Variants in VAPA observed in about 807,000 individuals in gnomAD.
VAPA encodes VAMP associated protein A, also known as vesicle-associated membrane protein-associated protein A.
A neutral mutation model predicts 25.6 loss-of-function variants in VAPA; 6 were observed. The ratio of observed to expected loss-of-function variants is 0.23; its 90% CI spans 0.13 to 0.46. The LOEUF is 0.46. Ranked by LOEUF, VAPA falls within the 20% of genes least tolerant of loss-of-function variation. VAPA has a pLI of 0.99. For missense variants in VAPA, 244 were observed against 302.1 expected (o/e 0.81, Z 1.43); for synonymous variants, 112 against 106.2 (o/e 1.05, Z -0.34).
chr18:9,928,560 G>C (rs1052406637), intron 1 of VAPA, among the ~76,000 whole-genome samples: 3 of 152,012 alleles, frequency 2.0e-5, no homozygotes, highest in Admixed American at 2.0e-4. Context: ...CAGATTATTG[G>C]TTTAATTCAG....
rs1343372511 is a variant in VAPA at position 9,958,576 on chromosome 18, G to GT, written c.*4366dup. The GT allele has an allele frequency of 6.6e-6, 1 of 151,898 alleles. No homozygotes were observed. Among genetic ancestry groups the GT allele is most frequent in the Non-Finnish European group, 1.5e-5 (1 of 67,954 alleles). The allele number at this position is 151,898 out of a possible 1,614,324, so 9.4% of individuals were successfully genotyped here. ...GAGATACTGACCTAATTGGTCTGGG[G>GT]TGGAGATCTGGCATGGTAGTTTTTT... On this transcript the variant is annotated 3_prime_UTR_variant, in exon 6 of 6. Coordinates refer to ENST00000400000, the MANE Select transcript of VAPA (RefSeq NM_194434.3).
intron 1 of VAPA, 56 bp downstream of exon 1, chr18:9,914,391 C>G: frequency 2.0e-6 from 3 of 1,479,696 alleles, no homozygotes; most frequent in East Asian, 2.9e-5. Context: ...CGCTGGCTGT[C>G]GGCGGGGGGG....
At chr18:9,952,400 CTATTAAAAA>C in intron 5 of VAPA, among the ~76,000 whole-genome samples, 1 of 152,118 alleles carries the variant, frequency 6.6e-6, no homozygotes, top group East Asian at 1.9e-4. Flanking sequence ...AACCCCGTCT[CTATTAAAAA>C]TACAAAAATT....
intron 1 of VAPA, among the ~76,000 whole-genome samples, chr18:9,917,709 A>G (rs776609257): frequency 6.6e-6 from 1 of 152,260 alleles, no homozygotes; most frequent in Non-Finnish European, 1.5e-5. Flanking sequence ...AGAGTGGCCG[A>G]TAACAATAAA....
At position 9,945,205 on chromosome 18, in the gene VAPA, A is replaced by G. The variant is rs1356861587; in HGVS notation, c.418-5190A>G. 6 of 1,015,516 alleles carry G rather than the reference A, an allele frequency of 5.9e-6. No individual in the cohort carries two copies. In the East Asian group the frequency reaches 1.2e-4, roughly 21 times the overall value. 62.9% of individuals were successfully genotyped at this position (1,015,516 alleles called of 1,614,324 possible). A position where few individuals can be genotyped will look rare whatever the true frequency, so the allele number is the denominator to read the frequency against. On this transcript the variant is annotated intron_variant, in intron 4 of 5. Coordinates refer to ENST00000400000, the MANE Select transcript of VAPA (RefSeq NM_194434.3). ...TGCCTAAAATTACAATAAAACTACAAAGCACTTAAAAATCATGCATACAAA... is the reference window on the plus strand; with the variant it reads ...TGCCTAAAATTACAATAAAACTACAGAGCACTTAAAAATCATGCATACAAA...
rs554484574 is a variant in VAPA at position 9,914,227 on chromosome 18, G to GGC, written c.-25_-24dup. 210 of 1,563,486 alleles carry GGC rather than the reference G, an allele frequency of 1.3e-4. No homozygotes were observed. The African/African-American group carries it at 2.3e-3, about 17-fold the overall frequency. On this transcript the variant is annotated 5_prime_UTR_variant, in exon 1 of 6. Transcript: ENST00000400000. ...CCCCAGTCAGCAAACCGCCGCCGCGGGCGCGCCCCCGCTCTGCGCTGTCTC... is the reference window on the plus strand; with the variant it reads ...CCCCAGTCAGCAAACCGCCGCCGCGGGCGCGCGCCCCCGCTCTGCGCTGTCTC...
At chr18:9,927,816 T>G (rs2069214435) in intron 1 of VAPA, among the ~76,000 whole-genome samples, 1 of 152,052 alleles carries the variant, frequency 6.6e-6, no homozygotes, top group Admixed American at 6.6e-5. Flanking sequence ...ATTGTAAAAA[T>G]TTGGGACTAG....
At chr18:9,918,028 C>G (rs494015) in intron 1 of VAPA, among the ~76,000 whole-genome samples, 52,243 of 151,674 alleles carry the variant, frequency 0.34, 9,443 homozygotes, top group Middle Eastern at 0.44. Context: ...TAAGACATAC[C>G]ATCTCTTCCA....
chr18:9,950,985 G>A (rs1567903118), intron 5 of VAPA: 1 of 155,050 alleles, frequency 6.4e-6, no homozygotes, highest in African/African-American at 2.4e-5. Flanking sequence ...ATGTTGAAGA[G>A]TTAGTACAGA....
chr18:9,924,946 C>G (rs2069187819), intron 1 of VAPA: 1 of 151,692 alleles, frequency 6.6e-6, no homozygotes. Context: ...CTCCCTTGCC[C>G]CAGAAGGCTG....
At position 9,958,440 on chromosome 18, in the gene VAPA, A is replaced by G. The variant is rs2069572742; in HGVS notation, c.*4229A>G. On this transcript the variant is annotated 3_prime_UTR_variant, in exon 6 of 6. Transcript: ENST00000400000. ...ACACCCATCTTGAAAGAGAGTATAT[A>G]GGAAGTTATTCAGATAACTTTTGTA... 1 of 152,228 alleles carries G rather than the reference A, an allele frequency of 6.6e-6. No homozygotes were observed. The highest frequency in any genetic ancestry group is 6.5e-5 in the Admixed American group (1 of 15,284). The allele number at this position is 152,228 out of a possible 1,614,324, so 9.4% of individuals were successfully genotyped here. A position where few individuals can be genotyped will look rare whatever the true frequency, so the allele number is the denominator to read the frequency against.
intron 4 of VAPA, among the ~76,000 whole-genome samples, chr18:9,937,596 G>A (rs1006613577): frequency 2.0e-5 from 3 of 152,152 alleles, no homozygotes; most frequent in African/African-American, 7.2e-5. Flanking sequence ...GGGGGACTGA[G>A]GGATGTATTT....
chr18:9,946,223 G>A (rs539223578), intron 4 of VAPA, among the ~76,000 whole-genome samples: 21 of 152,286 alleles, frequency 1.4e-4, no homozygotes, highest in African/African-American at 3.9e-4. Flanking sequence ...GTGTTGTTAG[G>A]TGATGTGTTG....
intron 4 of VAPA, among the ~76,000 whole-genome samples, chr18:9,942,754 CTT>C (rs1325389166): frequency 6.6e-6 from 1 of 152,078 alleles, no homozygotes; most frequent in African/African-American, 2.4e-5. Context: ...GTGCTACACT[CTT>C]TTTAACAGCT....
intron 1 of VAPA, among the ~76,000 whole-genome samples, chr18:9,918,606 G>A (rs564707428): frequency 1.3e-5 from 2 of 152,108 alleles, no homozygotes; most frequent in African/African-American, 4.8e-5. Context: ...CTTATTTGTG[G>A]CATTTTCCTC....
rs869151923 is a variant in VAPA, at chr18:9,959,721, CAAAAAAAAAAAAAA to C, written c.*5523_*5536del. 8.3e-4 allele frequency: 78 copies of C among 93,444 alleles called. No individual in the cohort carries two copies. The highest frequency in any genetic ancestry group is 2.8e-3 in the Admixed American group (24 of 8,654). 5.8% of individuals were successfully genotyped at this position (93,444 alleles called of 1,614,324 possible). Reference sequence around the variant, plus strand: ...AGAGAGTGAGTTACTGACATTGTTCCAAAAAAAAAAAAAAAAAAAAAAAAAATGTGGAGGGTTGA... The same window carrying C: ...AGAGAGTGAGTTACTGACATTGTTCCAAAAAAAAAAAATGTGGAGGGTTGA... On this transcript the variant is annotated 3_prime_UTR_variant, in exon 6 of 6. Transcript: ENST00000400000.
intron 1 of VAPA, among the ~76,000 whole-genome samples, chr18:9,928,258 A>G (rs1191480655): frequency 2.6e-5 from 4 of 152,190 alleles, no homozygotes; most frequent in African/African-American, 7.2e-5. Context: ...TGTTTTTTCA[A>G]TTTTTCAAGG....
At chr18:9,944,448 C>T (rs984961401) in intron 4 of VAPA, among the ~76,000 whole-genome samples, 1 of 152,002 alleles carries the variant, frequency 6.6e-6, no homozygotes, top group Non-Finnish European at 1.5e-5. Context: ...TGTTTATTGG[C>T]CTGGGATGTG....
At chr18:9,947,419 TGGG>T (rs1025150221) in intron 4 of VAPA, among the ~76,000 whole-genome samples, 5 of 152,348 alleles carry the variant, frequency 3.3e-5, no homozygotes, top group African/African-American at 1.2e-4. Flanking sequence ...TATTATTGTA[TGGG>T]AACACTATCA....
Sources: allele counts gnomAD v4.1 joint callset (sites outside exome capture counted in the v4.1 genomes callset), GRCh38; gene constraint gnomAD v4.1.1; transcripts MANE v1.5; gene names NCBI Gene and HGNC (gene_info 2026-07-23, HGNC 2026-07-21).